The following TENM2 variants were observed in gnomAD, a reference collection of about 807,000 sequenced individuals.
TENM2 encodes the protein teneurin transmembrane protein 2.
In TENM2, 52 loss-of-function variants were observed where a neutral mutation model predicts 245.2. The ratio of observed to expected loss-of-function variants is 0.21; its 90% CI spans 0.17 to 0.27. The LOEUF (loss-of-function observed/expected upper bound fraction) is 0.27. Among genes scored for constraint, TENM2 ranks in the 10% least tolerant of loss-of-function variants. The pLI, the probability that TENM2 is intolerant of heterozygous loss-of-function variation, is 1.00. For synonymous variants in TENM2, 1,363 were observed against 1,438.9 expected (o/e 0.95, Z 1.19); for missense variants, 3,046 against 3,666.8 (o/e 0.83, Z 4.37).
the TENM2 span, among the ~76,000 whole-genome samples, chr5:167,188,825 C>T: frequency 2.6e-5 from 4 of 151,952 alleles, no homozygotes; most frequent in South Asian, 2.1e-4. Flanking sequence ...TTTGGACGAT[C>T]GAGACAAATA....
At chr5:167,568,718 A>T (rs1031931349) in intron 2 of TENM2, among the ~76,000 whole-genome samples, 1 of 151,152 alleles carries the variant, frequency 6.6e-6, no homozygotes, top group Non-Finnish European at 1.5e-5. Flanking sequence ...GCATTTATTC[A>T]ACTTGTTGAA....
rs141047770 is a variant in TENM2 at position 167,676,982 on chromosome 5, C to G, written c.503-199004C>G. ...TGCTGTCTATAGGTAATTCTCTCAACTAAATGTATGCATGTTGGACAATAA... is the reference window on the plus strand; with the variant it reads ...TGCTGTCTATAGGTAATTCTCTCAAGTAAATGTATGCATGTTGGACAATAA... On this transcript the variant is annotated intron_variant, in intron 2 of 28. Coordinates refer to ENST00000518659, the Ensembl canonical transcript of TENM2. Among the ~76,000 whole-genome samples, 376 of 152,198 alleles carry G rather than the reference C, an allele frequency of 2.5e-3. 1 individual carries two copies. Among genetic ancestry groups the G allele is most frequent in the Non-Finnish European group, 4.4e-3 (296 of 67,986 alleles).
chr5:167,555,468 C>T (rs1319990913), intron 2 of TENM2, among the ~76,000 whole-genome samples: 2 of 152,010 alleles, frequency 1.3e-5, no homozygotes, highest in Non-Finnish European at 2.9e-5. Flanking sequence ...CCTGGAAAAA[C>T]ATCTCACTTG....
intron 2 of TENM2, among the ~76,000 whole-genome samples, chr5:167,612,038 T>C (rs1266286655): frequency 6.6e-6 from 1 of 152,202 alleles, no homozygotes; most frequent in African/African-American, 2.4e-5. Context: ...CCTACAAGTC[T>C]GTCTCGCTGT....
the TENM2 span, among the ~76,000 whole-genome samples, chr5:167,187,034 A>G: frequency 6.6e-6 from 1 of 152,186 alleles, no homozygotes; most frequent in Non-Finnish European, 1.5e-5. Context: ...TCAGACACAC[A>G]GTTGTCATTC....
At chr5:167,809,585 T>C (rs995541492) in intron 2 of TENM2, among the ~76,000 whole-genome samples, 2 of 152,172 alleles carry the variant, frequency 1.3e-5, no homozygotes, top group African/African-American at 4.8e-5. Flanking sequence ...CTGAATAGTC[T>C]TTCTCTATTC....
chr5:167,266,014 G>A, the TENM2 span, among the ~76,000 whole-genome samples: 1 of 152,050 alleles, frequency 6.6e-6, no homozygotes, highest in Non-Finnish European at 1.5e-5. Flanking sequence ...CTACCACTTT[G>A]GAGATACACA....
At chr5:167,543,174 C>A (rs930263485) in intron 2 of TENM2, among the ~76,000 whole-genome samples, 2 of 152,112 alleles carry the variant, frequency 1.3e-5, no homozygotes, top group Non-Finnish European at 2.9e-5. Context: ...TAGAGAGCAT[C>A]GGAGGGGGTG....
At chr5:167,666,638 C>T (rs1008214759) in intron 2 of TENM2, among the ~76,000 whole-genome samples, 2 of 152,136 alleles carry the variant, frequency 1.3e-5, no homozygotes, top group Non-Finnish European at 2.9e-5. Flanking sequence ...ATGTACTCTT[C>T]ATATATTACT....
intron 3 of TENM2, among the ~76,000 whole-genome samples, chr5:167,920,670 A>G (rs1427271404): frequency 6.6e-6 from 1 of 152,184 alleles, no homozygotes; most frequent in African/African-American, 2.4e-5. Context: ...AGCAAATTAT[A>G]AACTCTAAGG....
At chr5:167,997,777 C>A (rs531080313) in intron 5 of TENM2, among the ~76,000 whole-genome samples, 2 of 152,296 alleles carry the variant, frequency 1.3e-5, no homozygotes, top group South Asian at 2.1e-4. Context: ...AAACAGGTGG[C>A]AGCCTGGATT....
intron 28 of TENM2, among the ~76,000 whole-genome samples, chr5:168,261,072 G>C (rs1768144600): frequency 6.6e-6 from 1 of 152,176 alleles, no homozygotes; most frequent in Admixed American, 6.5e-5. Context: ...GAGGCAAGGA[G>C]GAGCTGCTGG....
chr5:167,670,921 G>C (rs941300792), intron 2 of TENM2, among the ~76,000 whole-genome samples: 2 of 152,074 alleles, frequency 1.3e-5, no homozygotes, highest in African/African-American at 2.4e-5. Context: ...CTGTAGGAGA[G>C]ACTGGGAAAC....
At chr5:167,185,135 A>G in the TENM2 span, among the ~76,000 whole-genome samples, 22 of 152,138 alleles carry the variant, frequency 1.4e-4, no homozygotes, top group African/African-American at 4.3e-4. Context: ...TCATCTATCT[A>G]TCTTTACCCT....
the TENM2 span, among the ~76,000 whole-genome samples, chr5:166,984,050 T>A: frequency 6.6e-6 from 1 of 152,158 alleles, no homozygotes; most frequent in African/African-American, 2.4e-5. Context: ...ATTATTTAGC[T>A]GTATGTAAGC....
Position 168,211,771 on chromosome 5 carries a change from T to G in TENM2, c.3845+17T>G. 7.5e-7 allele frequency: 1 copy of G among 1,336,320 alleles called. No individual in the cohort carries two copies. Among genetic ancestry groups the G allele is most frequent in the Non-Finnish European group, 1.0e-6 (1 of 971,218 alleles). The allele number at this position is 1,336,320 out of a possible 1,614,324, so 82.8% of individuals were successfully genotyped here. On this transcript the variant is annotated intron_variant, in intron 20 of 28. Coordinates refer to ENST00000518659, the Ensembl canonical transcript of TENM2. ...TAAACATAGGTAAGATGAAGAACTC[T>G]TTCCCATATAATTTGATATGGTTCG... is the stretch of plus-strand genomic sequence containing the variant.
At chr5:167,515,677 A>ATACACATATATACATATATATG (rs1330961314) in intron 2 of TENM2, among the ~76,000 whole-genome samples, 4 of 148,708 alleles carry the variant, frequency 2.7e-5, no homozygotes, top group African/African-American at 7.4e-5. Context: ...ATGTGTATAT[A>ATACACATATATACATATATATG]TATTTTGAGA....
At chr5:167,137,949 G>A in the TENM2 span, among the ~76,000 whole-genome samples, 5 of 152,248 alleles carry the variant, frequency 3.3e-5, no homozygotes, top group African/African-American at 4.8e-5. Flanking sequence ...CATCTAATCC[G>A]TTTTCTAAGG....
At chr5:167,548,570 C>T (rs1007578547) in intron 2 of TENM2, among the ~76,000 whole-genome samples, 1 of 152,100 alleles carries the variant, frequency 6.6e-6, no homozygotes, top group African/African-American at 2.4e-5. Context: ...CACACGCACA[C>T]ATACACTTCC....
Sources: allele counts gnomAD v4.1 joint callset (sites outside exome capture counted in the v4.1 genomes callset), GRCh38; gene constraint gnomAD v4.1.1; transcripts MANE v1.5; gene names NCBI Gene and HGNC (gene_info 2026-07-23, HGNC 2026-07-21).